ARFGEF1: variants seen among roughly 807,000 people sequenced by gnomAD.
ARFGEF1 encodes the protein brefeldin A-inhibited guanine nucleotide-exchange protein 1.
Under a neutral mutation model 231.0 loss-of-function variants are expected in ARFGEF1, and 42 were observed. That is an observed-to-expected ratio of 0.18 (90% CI 0.14 to 0.24). ARFGEF1 has a LOEUF of 0.24. ARFGEF1 is among the 10% of genes least tolerant of loss of function. ARFGEF1 has a pLI of 1.00. For missense variants in ARFGEF1, 1,345 were observed against 2,192.0 expected, an observed-to-expected ratio of 0.61 and a Z score of 7.72; for synonymous variants, 710 against 732.3, an observed-to-expected ratio of 0.97 and a Z score of 0.49.
intron 34 of ARFGEF1, among the ~76,000 whole-genome samples, chr8:67,211,168 A>T (rs1483445752): frequency 4.0e-5 from 6 of 151,494 alleles, no homozygotes; most frequent in Non-Finnish European, 7.4e-5. Context: ...ATATGGTGAA[A>T]CCCCGTCTCG....
Position 67,240,306 on chromosome 8 carries a change from A to ATTGTATT in ARFGEF1, c.2851-23_2851-17dup. 1 of 1,581,806 alleles carries ATTGTATT rather than the reference A, an allele frequency of 6.3e-7. No individual in the cohort carries two copies. Among genetic ancestry groups the ATTGTATT allele is most frequent in the East Asian group, 2.3e-5 (1 of 44,102 alleles). ...TCCAAGCCAACTACAAAAATTAAAA[A>ATTGTATT]TTGTATTTTAATTAAAGATTATGAT... On this transcript the variant is annotated splice_polypyrimidine_tract_variant and intron_variant, in intron 19 of 38. Transcript: ENST00000262215.
chr8:67,190,365 A>T (rs1835871499), intron 5 of ARFGEF1, among the ~76,000 whole-genome samples: 1 of 152,182 alleles, frequency 6.6e-6, no homozygotes, highest in South Asian at 2.1e-4. Context: ...AGGTAAGGTA[A>T]ATCTGTTGAA....
In ARFGEF1 at chr8:67,276,061, T is replaced by C. The variant is rs1805299103; in HGVS notation, c.1252A>G (p.Ile418Val). The C allele has an allele frequency of 1.2e-6, 2 of 1,613,482 alleles. No homozygotes were observed. Among genetic ancestry groups the C allele is most frequent in the South Asian group, 1.1e-5 (1 of 91,072 alleles). The change falls in exon 9 of 39, where the codon ATT (isoleucine) becomes GTT (valine). Residue 418 changes from isoleucine to valine, a missense_variant. Transcript: ENST00000262215. ...GPSPGAKFSHILQKDAFLVFR... is the reference protein window; with the variant it reads ...GPSPGAKFSHVLQKDAFLVFR... ...ACTAGAAAGGCATCCTTTTGTAAAA[T>C]GTGGGAAAACTTAGCACCAGGTGAA...
At chr8:67,289,960 A>G (rs1285146838) in intron 6 of ARFGEF1, among the ~76,000 whole-genome samples, 3 of 152,214 alleles carry the variant, frequency 2.0e-5, no homozygotes, top group East Asian at 1.9e-4. Context: ...CAATTTTCAC[A>G]TAAGTATCTG....
At chr8:67,214,208 A>G (rs1032982149) in intron 33 of ARFGEF1, among the ~76,000 whole-genome samples, 1 of 152,230 alleles carries the variant, frequency 6.6e-6, no homozygotes, top group Non-Finnish European at 1.5e-5. Context: ...TATTGGTACA[A>G]ATATGAATGT....
intron 1 of ARFGEF1, among the ~76,000 whole-genome samples, chr8:67,330,483 T>C (rs893375226): frequency 6.6e-6 from 1 of 152,280 alleles, no homozygotes; most frequent in Non-Finnish European, 1.5e-5. Context: ...AGATTCATCA[T>C]TGCAGTTAGT....
intron 1 of ARFGEF1, among the ~76,000 whole-genome samples, chr8:67,326,940 A>G (rs1295539376): frequency 6.6e-5 from 10 of 152,240 alleles, no homozygotes. Flanking sequence ...TGACTTGAAG[A>G]ACAAAACAAT....
At chr8:67,340,308 A>ACCAC (rs1808568640) in intron 1 of ARFGEF1, among the ~76,000 whole-genome samples, 1 of 152,204 alleles carries the variant, frequency 6.6e-6, no homozygotes, top group South Asian at 2.1e-4. Context: ...GGGTTATAAC[A>ACCAC]CCACCCACAA....
At chr8:67,202,369 C>G (rs745640909) in intron 36 of ARFGEF1, among the ~76,000 whole-genome samples, 1 of 152,040 alleles carries the variant, frequency 6.6e-6, no homozygotes, top group Non-Finnish European at 1.5e-5. Flanking sequence ...AAGTGATCCT[C>G]CCACTTCAGC....
Position 67,214,176 on chromosome 8 carries a change from CAT to C in ARFGEF1, c.4686+2412_4686+2413del, listed in dbSNP as rs145564810. On this transcript the variant is annotated intron_variant, in intron 33 of 38. Transcript: ENST00000262215. ...AAAGCATCTACCATCTTAGAGAAGACATGTATGGCCATGAAACAGATTATTGG... is the reference window on the plus strand; with the variant it reads ...AAAGCATCTACCATCTTAGAGAAGACGTATGGCCATGAAACAGATTATTGG... Among the ~76,000 whole-genome samples, 253 of 152,246 alleles carry C rather than the reference CAT, an allele frequency of 1.7e-3. 6 individuals are homozygous for C. In the East Asian group the frequency reaches 0.044, roughly 27 times the overall value.
intron 5 of ARFGEF1, among the ~76,000 whole-genome samples, chr8:67,186,970 C>CATCT (rs59504632): frequency 0.17 from 25,465 of 149,762 alleles, 2,146 homozygotes; most frequent in East Asian, 0.24. Flanking sequence ...ATCTATCTAT[C>CATCT]ATCTATCTAT....
At chr8:67,208,068 T>C (rs371426946) in intron 34 of ARFGEF1, among the ~76,000 whole-genome samples, 1 of 152,220 alleles carries the variant, frequency 6.6e-6, no homozygotes, top group Non-Finnish European at 1.5e-5. Context: ...CTCGCTATTC[T>C]TTCCTCTTGG....
At chr8:67,233,346 C>G (rs1471634034) in intron 22 of ARFGEF1, among the ~76,000 whole-genome samples, 1 of 151,960 alleles carries the variant, frequency 6.6e-6, no homozygotes, top group East Asian at 1.9e-4. Flanking sequence ...CTCTAGTCCC[C>G]TATTTACAAA....
chr8:67,216,710 GC>G, intron 32 of ARFGEF1, 48 bp from the exon 33 acceptor site: 1 of 1,419,318 alleles, frequency 7.0e-7, no homozygotes, highest in South Asian at 1.3e-5. Context: ...TGTGCCACAT[GC>G]CACATCCAGC....
chr8:67,227,475 G>A lies in ARFGEF1; in HGVS notation c.3715C>T (p.Pro1239Ser). The change falls in exon 26 of 39, where the codon CCT (proline) becomes TCT (serine). Residue 1239 changes from proline (P) to serine (S), a missense_variant. By Grantham distance (74) the Pro-to-Ser change is moderately conservative. Transcript: ENST00000262215. ...TTCCGTTTCATTATATGTTCAAAAG[G>A]TCTTAAGAAATCCTTCTGGAATCTG... ...NFRFQKDFLR[P>S]FEHIMKRNRS... is the part of the protein sequence containing the mutation. 1 of 1,612,828 alleles carries A rather than the reference G, an allele frequency of 6.2e-7. No homozygotes were observed. Among genetic ancestry groups the A allele is most frequent in the Non-Finnish European group, 8.5e-7 (1 of 1,179,264 alleles).
chr8:67,260,073 C>T, intron 14 of ARFGEF1, 147 bp from the exon 15 acceptor site: 1 of 421,502 alleles, frequency 2.4e-6, no homozygotes. Context: ...AAAATAATTA[C>T]ATTGTGCCAA....
chr8:67,325,939 T>G (rs180925236), intron 1 of ARFGEF1, among the ~76,000 whole-genome samples: 74 of 152,304 alleles, frequency 4.9e-4, no homozygotes, highest in African/African-American at 1.7e-3. Flanking sequence ...TCCCACCACT[T>G]TGGAATCCCA....
chr8:67,242,500 A>T (rs1383481849), intron 19 of ARFGEF1, among the ~76,000 whole-genome samples: 1 of 151,974 alleles, frequency 6.6e-6, no homozygotes, highest in African/African-American at 2.4e-5. Flanking sequence ...TCCTCACAGG[A>T]TCCCTTATTT....
chr8:67,265,535 C>A lies in ARFGEF1; in HGVS notation c.2123+471G>T, dbSNP rs574490982. ...GACTTCACAAGATTAGGATCCGGTA[C>A]ACTAGCCAGGCTGGAAGAGAGGTGA... is the stretch of plus-strand genomic sequence containing the variant. On this transcript the variant is annotated intron_variant, in intron 14 of 38. Transcript: ENST00000262215. Among the ~76,000 whole-genome samples, 84 of 152,220 alleles carry A rather than the reference C, an allele frequency of 5.5e-4. 1 individual carries two copies. The highest frequency in any genetic ancestry group is 2.0e-3 in the African/African-American group (83 of 41,552).
Sources: gnomAD v4.1 joint callset for allele counts (sites outside exome capture counted in the v4.1 genomes callset) on GRCh38, gnomAD v4.1.1 for gene constraint, MANE v1.5 for transcripts, NCBI Gene and HGNC (gene_info 2026-07-23, HGNC 2026-07-21) for gene names.